The following CADM2 variants were observed in gnomAD, a reference collection of about 807,000 sequenced individuals.
CADM2 encodes the protein immunoglobulin superfamily member 4D.
A neutral mutation model predicts 49.8 loss-of-function variants in CADM2; 12 were observed. The ratio of observed to expected loss-of-function variants is 0.24; its 90% CI spans 0.15 to 0.39. The LOEUF (loss-of-function observed/expected upper bound fraction) is 0.39. Among genes scored for constraint, CADM2 ranks in the 10% least tolerant of loss-of-function variants. The pLI, the probability that CADM2 is intolerant of heterozygous loss-of-function variation, is 1.00. For synonymous variants in CADM2, 214 were observed against 175.4 expected, an observed-to-expected ratio of 1.22 and a Z score of -1.74; for missense variants, 378 against 492.3, an observed-to-expected ratio of 0.77 and a Z score of 2.20.
chr3:85,996,091 A>C (rs1033055242), intron 8 of CADM2, among the ~76,000 whole-genome samples: 3 of 150,718 alleles, frequency 2.0e-5, no homozygotes, highest in Admixed American at 6.6e-5. Flanking sequence ...CTCTGCCTAA[A>C]AAAAAAAAAT....
At chr3:85,856,327 T>C (rs1238333266) in intron 3 of CADM2, among the ~76,000 whole-genome samples, 1 of 152,200 alleles carries the variant, frequency 6.6e-6, no homozygotes, top group Non-Finnish European at 1.5e-5. Flanking sequence ...CATTCAATAA[T>C]TGTTTTAAAG....
chr3:85,150,205 C>CT (rs1156582152), intron 1 of CADM2, among the ~76,000 whole-genome samples: 1 of 152,020 alleles, frequency 6.6e-6, no homozygotes, highest in Non-Finnish European at 1.5e-5. Flanking sequence ...ATGACAAGAC[C>CT]TTTTTGTCTG....
intron 1 of CADM2, among the ~76,000 whole-genome samples, chr3:85,426,448 A>T (rs1042510810): frequency 1.8e-4 from 27 of 151,978 alleles, no homozygotes; most frequent in African/African-American, 2.9e-4. Flanking sequence ...CTATTTTTTT[A>T]AAAAAATATC....
At chr3:85,277,031 A>C (rs2043372927) in intron 1 of CADM2, among the ~76,000 whole-genome samples, 1 of 151,550 alleles carries the variant, frequency 6.6e-6, no homozygotes, top group South Asian at 2.1e-4. Context: ...TTAAGCTAAT[A>C]CAAAGAAGAA....
At chr3:85,715,966 G>T (rs1252746802) in intron 1 of CADM2, among the ~76,000 whole-genome samples, 2 of 152,152 alleles carry the variant, frequency 1.3e-5, no homozygotes, top group Non-Finnish European at 2.9e-5. Flanking sequence ...CAATACACAT[G>T]TGTGTGCCTG....
chr3:85,079,395 A>C (rs1232580026), intron 1 of CADM2, among the ~76,000 whole-genome samples: 1 of 151,854 alleles, frequency 6.6e-6, no homozygotes, highest in Non-Finnish European at 1.5e-5. Flanking sequence ...GGTATAATCT[A>C]TATTGACTAA....
At chr3:85,691,023 C>T (rs1353649237) in intron 1 of CADM2, among the ~76,000 whole-genome samples, 1 of 152,166 alleles carries the variant, frequency 6.6e-6, no homozygotes, top group African/African-American at 2.4e-5. Flanking sequence ...TTTATTCCTT[C>T]TATCTAATTG....
intron 8 of CADM2, among the ~76,000 whole-genome samples, chr3:86,059,496 T>C (rs1738367431): frequency 1.3e-5 from 2 of 152,218 alleles, no homozygotes; most frequent in Non-Finnish European, 2.9e-5. Flanking sequence ...TTTTCTGCAT[T>C]GTCAGGTAAA....
chr3:85,651,863 A>G (rs1577019123), intron 1 of CADM2, among the ~76,000 whole-genome samples: 5 of 149,618 alleles, frequency 3.3e-5, no homozygotes, highest in Admixed American at 1.3e-4. Context: ...TGTCACCCAG[A>G]CTGGAGTGCA....
intron 1 of CADM2, among the ~76,000 whole-genome samples, chr3:85,205,078 T>C (rs1319446031): frequency 6.6e-6 from 1 of 151,230 alleles, no homozygotes. Flanking sequence ...AGTGCAGTAG[T>C]GTAATCGTGG....
chr3:85,321,124 T>A (rs1320608234), intron 1 of CADM2, among the ~76,000 whole-genome samples: 240 of 9,148 alleles, frequency 0.026, 2 homozygotes, highest in African/African-American at 0.044. Flanking sequence ...ATATTTTTTT[T>A]TTTTTTTTTT....
intron 3 of CADM2, among the ~76,000 whole-genome samples, chr3:85,806,107 T>C (rs7626235): frequency 0.055 from 8,198 of 148,468 alleles, 634 homozygotes; most frequent in African/African-American, 0.17. Flanking sequence ...GAGTTCTGCA[T>C]CCCTGAGCTT....
chr3:85,166,055 G>A (rs1412768018), intron 1 of CADM2, among the ~76,000 whole-genome samples: 1 of 151,446 alleles, frequency 6.6e-6, no homozygotes, highest in Non-Finnish European at 1.5e-5. Flanking sequence ...GTTCTTTAAA[G>A]CACAGGAAGT....
intron 1 of CADM2, among the ~76,000 whole-genome samples, chr3:85,218,886 T>G (rs973397887): frequency 6.6e-6 from 1 of 152,206 alleles, no homozygotes; most frequent in Non-Finnish European, 1.5e-5. Context: ...AACACAGGAC[T>G]ATAATCTAGT....
At chr3:85,903,002 CAT>C (rs1221229595) in intron 5 of CADM2, among the ~76,000 whole-genome samples, 1 of 151,870 alleles carries the variant, frequency 6.6e-6, no homozygotes, top group Non-Finnish European at 1.5e-5. Flanking sequence ...TTACATAAAA[CAT>C]ATTATATGTT....
intron 2 of CADM2, among the ~76,000 whole-genome samples, chr3:85,744,054 T>C (rs2068509634): frequency 6.6e-6 from 1 of 152,056 alleles, no homozygotes; most frequent in African/African-American, 2.4e-5. Flanking sequence ...AATAGCAAGA[T>C]GAGTAGACAT....
chr3:85,546,571 TATTAA>T (rs1021362752), intron 1 of CADM2, among the ~76,000 whole-genome samples: 5 of 151,992 alleles, frequency 3.3e-5, no homozygotes, highest in Non-Finnish European at 4.4e-5. Context: ...ACACTACTAA[TATTAA>T]ATTATATATG....
At chr3:85,000,099 T>C (rs1408229090) in intron 1 of CADM2, among the ~76,000 whole-genome samples, 2 of 150,812 alleles carry the variant, frequency 1.3e-5, no homozygotes, top group South Asian at 2.1e-4. Flanking sequence ...ATATAACATA[T>C]AGGTTGCTTC....
intron 1 of CADM2, among the ~76,000 whole-genome samples, chr3:85,467,874 G>A (rs967385359): frequency 2.0e-5 from 3 of 152,168 alleles, no homozygotes; most frequent in African/African-American, 4.8e-5. Context: ...CACTGTTTCT[G>A]TTATAACATT....
Sources: gnomAD v4.1 joint callset for allele counts (sites outside exome capture counted in the v4.1 genomes callset) on GRCh38, gnomAD v4.1.1 for gene constraint, MANE v1.5 for transcripts, NCBI Gene and HGNC (gene_info 2026-07-23, HGNC 2026-07-21) for gene names.